The following CMTM7 variants were observed in gnomAD, a reference collection of about 807,000 sequenced individuals.
The protein encoded by CMTM7 is CKLF-like MARVEL transmembrane domain-containing protein 7.
A neutral mutation model predicts 19.3 loss-of-function variants in CMTM7; 7 were observed. The observed-to-expected ratio is 0.36, with a 90% CI of 0.21 to 0.68. The LOEUF is 0.68. Among genes scored for constraint, CMTM7 ranks in the 30% least tolerant of loss-of-function variants. CMTM7 has a pLI of 0.60. For synonymous variants in CMTM7, 87 were observed against 99.3 expected (o/e 0.88, Z 0.74); for missense variants, 193 against 232.6 (o/e 0.83, Z 1.11).
chr3:32,427,890 G>C (rs970287076), intron 1 of CMTM7, among the ~76,000 whole-genome samples: 2 of 152,190 alleles, frequency 1.3e-5, no homozygotes, highest in Non-Finnish European at 2.9e-5. Flanking sequence ...TAGTGTTTAG[G>C]ATAGGAAGTC....
intron 1 of CMTM7, among the ~76,000 whole-genome samples, chr3:32,441,607 G>A (rs1319490724): frequency 1.3e-5 from 2 of 152,220 alleles, no homozygotes; most frequent in African/African-American, 2.4e-5. Flanking sequence ...CAGAGAGGAC[G>A]AAGTCAGTCT....
Position 32,441,985 on chromosome 3 carries a change from T to C in CMTM7, c.305T>C (p.Val102Ala). The C allele has an allele frequency of 6.2e-7, 1 of 1,614,206 alleles. No homozygotes were observed. The highest frequency in any genetic ancestry group is 2.2e-5 in the East Asian group (1 of 44,878). Residue 102 changes from valine to alanine, a missense_variant, in exon 2 of 5, where the codon GTG becomes GCG. Physicochemically the swap from Val to Ala is moderately conservative, Grantham distance 64. Coordinates refer to ENST00000334983, the MANE Select transcript of CMTM7 (RefSeq NM_138410.4). Reference protein sequence around the residue: ...YLVHLFRFYRVLTCISWPLSE... With the variant: ...YLVHLFRFYRALTCISWPLSE... ...GTCCACCTCTTCCGCTTCTACCGCG[T>C]GCTCACCTGTATCAGCTGGCCCCTG... is the stretch of plus-strand genomic sequence containing the variant.
At position 32,449,417 on chromosome 3, in the gene CMTM7, G is replaced by T; in HGVS notation, c.334-37G>T. 7.1e-7 allele frequency: 1 copy of T among 1,416,274 alleles called. No individual in the cohort carries two copies. The highest frequency in any genetic ancestry group is 1.0e-6 in the Non-Finnish European group (1 of 999,580). 87.7% of individuals were successfully genotyped at this position (1,416,274 alleles called of 1,614,324 possible). A position where few individuals can be genotyped will look rare whatever the true frequency, so the allele number is the denominator to read the frequency against. On this transcript the variant is annotated intron_variant, in intron 2 of 4. Coordinates refer to ENST00000334983, the MANE Select transcript of CMTM7 (RefSeq NM_138410.4). This position sits in a 1 kb window ranked among gnomAD's most constrained non-coding sequence, Gnocchi z 4.5. ...TGCTCTTCCCGGACCAGAAATGGACGGCCCTACCCACTTATTTGCTTTGTT... is the reference window on the plus strand; with the variant it reads ...TGCTCTTCCCGGACCAGAAATGGACTGCCCTACCCACTTATTTGCTTTGTT...
intron 1 of CMTM7, among the ~76,000 whole-genome samples, chr3:32,420,315 G>A (rs1696325324): frequency 6.6e-6 from 1 of 152,214 alleles, no homozygotes; most frequent in Admixed American, 6.5e-5. Context: ...CCACCAGGAG[G>A]CTTTTGCAGT....
At chr3:32,423,832 G>C (rs1696382247) in intron 1 of CMTM7, among the ~76,000 whole-genome samples, 2 of 152,116 alleles carry the variant, frequency 1.3e-5, no homozygotes, top group Admixed American at 6.6e-5. Context: ...AGCCCCCCAG[G>C]TGCAGGTCAC....
chr3:32,446,953 T>G (rs1696762770), intron 2 of CMTM7, among the ~76,000 whole-genome samples: 1 of 152,202 alleles, frequency 6.6e-6, no homozygotes, highest in Non-Finnish European at 1.5e-5. Context: ...TTGCCCAGCC[T>G]TGGGTATTCC....
intron 4 of CMTM7, among the ~76,000 whole-genome samples, chr3:32,453,193 C>T (rs1166014693): frequency 1.3e-5 from 2 of 151,942 alleles, no homozygotes; most frequent in African/African-American, 2.4e-5. Flanking sequence ...ATAGTACCAG[C>T]TACTCAGGTG....
chr3:32,423,938 A>G (rs347158), intron 1 of CMTM7, among the ~76,000 whole-genome samples: 75,638 of 152,116 alleles, frequency 0.5, 19,000 homozygotes, highest in South Asian at 0.63. Flanking sequence ...AGAACAGTGC[A>G]TATGTTACTT....
rs1293293712 is a variant in CMTM7, at chr3:32,454,393, T to A, written c.*139T>A. ...CCAGGAAAGGCCTGCACCCTCTTCC[T>A]GCTCTCCCAGGAAGCCAGCTCCCTG... On this transcript the variant is annotated 3_prime_UTR_variant, in exon 5 of 5. Transcript: ENST00000334983. The A allele has an allele frequency of 9.6e-7, 1 of 1,046,920 alleles. No individual in the cohort carries two copies. Among genetic ancestry groups the A allele is most frequent in the Non-Finnish European group, 1.5e-6 (1 of 684,960 alleles). 64.9% of individuals were successfully genotyped at this position (1,046,920 alleles called of 1,614,324 possible). A position where few individuals can be genotyped will look rare whatever the true frequency, so the allele number is the denominator to read the frequency against.
At chr3:32,398,989 C>G (rs560765051) in intron 1 of CMTM7, among the ~76,000 whole-genome samples, 2 of 151,932 alleles carry the variant, frequency 1.3e-5, no homozygotes, top group African/African-American at 2.4e-5. Context: ...TCCCATCCCC[C>G]CAAAAAGAAA....
intron 1 of CMTM7, among the ~76,000 whole-genome samples, chr3:32,422,795 C>T (rs1372829243): frequency 6.6e-6 from 1 of 152,212 alleles, no homozygotes; most frequent in Non-Finnish European, 1.5e-5. Flanking sequence ...AACATTATAG[C>T]TTAGCCTGGC....
chr3:32,451,649 A>C, intron 3 of CMTM7: 1 of 186,096 alleles, frequency 5.4e-6, no homozygotes, highest in Non-Finnish European at 1.1e-5. Context: ...GTTCACAAGC[A>C]AGGAAAATGG....
chr3:32,430,036 T>A (rs149106987), intron 1 of CMTM7, among the ~76,000 whole-genome samples: 39 of 152,352 alleles, frequency 2.6e-4, no homozygotes, highest in African/African-American at 8.2e-4. Flanking sequence ...CTTGTGGAGC[T>A]GTGGTTCCAC....
rs1408631466 is a variant in CMTM7 at position 32,449,585 on chromosome 3, A to G, written c.432+33A>G. The G allele has an allele frequency of 6.6e-7, 1 of 1,508,350 alleles. No homozygotes were observed. Among genetic ancestry groups the G allele is most frequent in the South Asian group, 1.1e-5 (1 of 88,870 alleles). The allele number at this position is 1,508,350 out of a possible 1,614,324, so 93.4% of individuals were successfully genotyped here. Reference sequence around the variant, plus strand: ...TGTTTTGGGGAGCCTTTAGGAATGAATTCTTATTTAAAATGCTCATTTTCT... The same window carrying G: ...TGTTTTGGGGAGCCTTTAGGAATGAGTTCTTATTTAAAATGCTCATTTTCT... On this transcript the variant is annotated intron_variant, in intron 3 of 4. Transcript: ENST00000334983. This position sits in a 1 kb window ranked among gnomAD's most constrained non-coding sequence, Gnocchi z 4.5.
intron 1 of CMTM7, among the ~76,000 whole-genome samples, chr3:32,406,431 A>G (rs1289635983): frequency 6.6e-6 from 1 of 152,196 alleles, no homozygotes; most frequent in East Asian, 1.9e-4. Flanking sequence ...TCTGAAACTC[A>G]GCTTCTCAAA....
chr3:32,425,261 G>C (rs1261085674), intron 1 of CMTM7, among the ~76,000 whole-genome samples: 1 of 152,028 alleles, frequency 6.6e-6, no homozygotes, highest in Non-Finnish European at 1.5e-5. Flanking sequence ...TATTATTTCG[G>C]CTCCTTATAA....
chr3:32,445,809 C>T (rs1263111005), intron 2 of CMTM7, among the ~76,000 whole-genome samples: 2 of 152,192 alleles, frequency 1.3e-5, no homozygotes, highest in East Asian at 1.9e-4. Context: ...AGCCCCCACA[C>T]CTGGCCTGGT....
At chr3:32,394,425 C>G (rs140808078) in intron 1 of CMTM7, among the ~76,000 whole-genome samples, 1 of 152,302 alleles carries the variant, frequency 6.6e-6, no homozygotes, top group African/African-American at 2.4e-5. Context: ...GAAATGTTTT[C>G]ATCATGATCT....
intron 1 of CMTM7, among the ~76,000 whole-genome samples, chr3:32,415,997 T>C (rs557432690): frequency 2.6e-5 from 4 of 152,312 alleles, no homozygotes; most frequent in African/African-American, 9.6e-5. Context: ...GCCTGTGTTT[T>C]TGACTTAGCA....
Sources: allele counts gnomAD v4.1 joint callset (sites outside exome capture counted in the v4.1 genomes callset), GRCh38; gene constraint gnomAD v4.1.1; non-coding constraint Gnocchi (gnomAD v3.1); transcripts MANE v1.5; gene names NCBI Gene and HGNC (gene_info 2026-07-23, HGNC 2026-07-21).